HSPH1: variants seen among roughly 807,000 people sequenced by gnomAD.
HSPH1 encodes heat shock protein 105 kDa.
HSPH1 carries 40 observed loss-of-function variants against 100.0 expected under a neutral mutation model. That is an observed-to-expected ratio of 0.40 (90% CI 0.31 to 0.52). HSPH1 has a LOEUF of 0.52. Among genes scored for constraint, HSPH1 ranks in the 20% least tolerant of loss-of-function variants. The probability of loss-of-function intolerance (pLI) is 0.54; values close to 1 mark genes in which losing one functional copy is unlikely to be tolerated. For synonymous variants in HSPH1, 403 were observed against 344.0 expected (o/e 1.17, Z -1.90); for missense variants, 876 against 1,015.1 (o/e 0.86, Z 1.86).
chr13:31,148,571 T>TAAAA, intron 8 of HSPH1, 91 bp from the exon 9 acceptor site: 1 of 94,180 alleles, frequency 1.1e-5, no homozygotes, highest in Non-Finnish European at 2.0e-5. Context: ...GACAGGGTTT[T>TAAAA]CAAAAAAAAA....
chr13:31,148,169 G>A (rs966856800), intron 9 of HSPH1, 77 bp from the exon 10 acceptor site: 3 of 1,407,998 alleles, frequency 2.1e-6, no homozygotes, highest in African/African-American at 1.5e-5. Flanking sequence ...ACAGAAAAGA[G>A]GCTTTCTAAA....
intron 10 of HSPH1, among the ~76,000 whole-genome samples, chr13:31,147,576 A>C (rs1956310627): frequency 6.6e-6 from 1 of 152,108 alleles, no homozygotes; most frequent in East Asian, 1.9e-4. Context: ...TCAGGTTTTA[A>C]ATTAGAAGTA....
At chr13:31,151,487 C>A in intron 6 of HSPH1, 122 bp downstream of exon 6, 1 of 913,654 alleles carries the variant, frequency 1.1e-6, no homozygotes, top group East Asian at 2.7e-5. Flanking sequence ...TTCCTGTTAA[C>A]ATCTTTACCT....
chr13:31,156,632 CTG>C lies in HSPH1; in HGVS notation c.166-980_166-979del, dbSNP rs536420601. The stretch of plus-strand genomic sequence containing the variant: ...TTGCTAAGCGGCCAGGATAAACACT[CTG>C]TGCCAGAAAATGCATGGATCGCTAC... On this transcript the variant is annotated intron_variant, in intron 2 of 17. Transcript: ENST00000320027. Among the ~76,000 whole-genome samples, 76 of 152,232 alleles carry C rather than the reference CTG, an allele frequency of 5.0e-4. 1 individual carries two copies. In the Middle Eastern group the frequency reaches 0.014, roughly 27 times the overall value.
At chr13:31,157,918 G>A (rs932915683) in intron 2 of HSPH1, among the ~76,000 whole-genome samples, 1 of 141,320 alleles carries the variant, frequency 7.1e-6, no homozygotes, top group Non-Finnish European at 1.5e-5. Context: ...AAATTGATCA[G>A]ATACCGTACT....
chr13:31,147,213 A>C (rs1463102009), intron 10 of HSPH1, among the ~76,000 whole-genome samples: 2 of 152,204 alleles, frequency 1.3e-5, no homozygotes, highest in Non-Finnish European at 1.5e-5. Context: ...ACAAGTCTAC[A>C]TGCAATGATT....
intron 10 of HSPH1, among the ~76,000 whole-genome samples, chr13:31,147,682 TAA>T (rs1439779847): frequency 5.3e-5 from 8 of 152,052 alleles, no homozygotes; most frequent in Admixed American, 5.2e-4. Context: ...GTGAAAATAT[TAA>T]AGTGTTCATA....
intron 16 of HSPH1, 42 bp downstream of exon 16, chr13:31,138,739 T>G: frequency 1.3e-6 from 2 of 1,577,446 alleles, no homozygotes; most frequent in Non-Finnish European, 1.7e-6. Context: ...CTTATTAAAA[T>G]CTAGGTTAAC....
At chr13:31,151,578 T>C in intron 6 of HSPH1, 31 bp downstream of exon 6, 3 of 1,592,888 alleles carry the variant, frequency 1.9e-6, no homozygotes, top group Non-Finnish European at 1.7e-6. Flanking sequence ...TTAACGTGTT[T>C]TGGACACTGA....
intron 16 of HSPH1, 31 bp downstream of exon 16, chr13:31,138,750 T>C: frequency 6.3e-7 from 1 of 1,585,628 alleles, no homozygotes; most frequent in Non-Finnish European, 8.5e-7. Context: ...CTAGGTTAAC[T>C]TCCTCCCTAT....
chr13:31,139,074 T>C lies in HSPH1; in HGVS notation c.2014A>G (p.Thr672Ala), dbSNP rs373399867. The C allele has an allele frequency of 1.9e-6, 3 of 1,612,748 alleles. No individual in the cohort carries two copies. Among genetic ancestry groups the C allele is most frequent in the African/African-American group, 2.7e-5 (2 of 74,878 alleles). ...HQNFLRLLTE[T>A]EDWLYEEGED... Reference sequence around the variant, plus strand: ...CCTTCTTCATACAGCCAGTCTTCAGTTTCTGTGAGGAGTCTCAAAAAATTT... The same window carrying C: ...CCTTCTTCATACAGCCAGTCTTCAGCTTCTGTGAGGAGTCTCAAAAAATTT... The change falls in exon 15 of 18, where the codon ACT (threonine) becomes GCT (alanine). Residue 672 changes from threonine to alanine, a missense_variant. Physicochemically the swap from Thr to Ala is moderately conservative, Grantham distance 58. Coordinates refer to ENST00000320027, the MANE Select transcript of HSPH1 (RefSeq NM_006644.4).
Position 31,151,000 on chromosome 13 carries a change from T to G in HSPH1, c.855A>C (p.Pro285=). 6.2e-7 allele frequency: 1 copy of G among 1,613,554 alleles called. No individual in the cohort carries two copies. The highest frequency in any genetic ancestry group is 8.5e-7 in the Non-Finnish European group (1 of 1,179,628). The change falls in exon 7 of 18, where the codon CCA becomes CCC. Residue 285 remains proline, a synonymous_variant. Transcript: ENST00000320027. The stretch of plus-strand genomic sequence containing the variant: ...CATTCATAAAGCATTCGATATTCAG[T>G]GGAAGGTCTGTGCTGTTAGAGCTCA... ...KLMSSNSTDL[P]LNIECFMNDK...
chr13:31,154,466 A>G (rs906334458), intron 4 of HSPH1, 167 bp downstream of exon 4: 16 of 770,562 alleles, frequency 2.1e-5, no homozygotes, highest in South Asian at 1.1e-4. Flanking sequence ...CTGGCTAAAA[A>G]TATCACTCAA....
intron 5 of HSPH1, 108 bp from the exon 6 acceptor site, chr13:31,151,850 T>G: frequency 1.1e-6 from 1 of 898,598 alleles, no homozygotes; most frequent in Non-Finnish European, 1.7e-6. Context: ...TTGAAACAAT[T>G]AAAGGTGAAC....
At chr13:31,148,290 T>C (rs1956343503) in intron 9 of HSPH1, 84 bp downstream of exon 9, 10 of 1,028,428 alleles carry the variant, frequency 9.7e-6, no homozygotes, top group Middle Eastern at 2.4e-4. Flanking sequence ...GAGAAGTCAT[T>C]TGTTAATGAC....
chr13:31,156,922 G>A (rs968343091), intron 2 of HSPH1, among the ~76,000 whole-genome samples: 2 of 152,138 alleles, frequency 1.3e-5, no homozygotes, highest in African/African-American at 4.8e-5. Flanking sequence ...AGATTGAAAA[G>A]CCCCACTTCA....
At chr13:31,144,225 G>C (rs986924194) in intron 11 of HSPH1, among the ~76,000 whole-genome samples, 2 of 152,088 alleles carry the variant, frequency 1.3e-5, no homozygotes, top group African/African-American at 4.8e-5. Context: ...ATCTAAGTTA[G>C]TACAGATATT....
chr13:31,143,957 A>G (rs924103517), intron 11 of HSPH1, 34 bp from the exon 12 acceptor site: 3 of 1,547,144 alleles, frequency 1.9e-6, no homozygotes, highest in African/African-American at 1.4e-5. Flanking sequence ...AGGATGTAGA[A>G]AGCAGGTGTA....
chr13:31,146,937 T>C (rs762286598), intron 10 of HSPH1, among the ~76,000 whole-genome samples: 16 of 152,222 alleles, frequency 1.1e-4, no homozygotes, highest in African/African-American at 3.4e-4. Context: ...CACAGAACTA[T>C]AGATTTAATT....
Sources: gnomAD v4.1 joint callset for allele counts (sites outside exome capture counted in the v4.1 genomes callset) on GRCh38, gnomAD v4.1.1 for gene constraint, MANE v1.5 for transcripts, NCBI Gene and HGNC (gene_info 2026-07-23, HGNC 2026-07-21) for gene names.